Variants in FARP1 observed in about 807,000 individuals in gnomAD.
FARP1 encodes FERM, ARHGEF and pleckstrin domain-containing protein 1.
A neutral mutation model predicts 128.8 loss-of-function variants in FARP1; 52 were observed. That is an observed-to-expected ratio of 0.40 (90% CI 0.32 to 0.51). The LOEUF (loss-of-function observed/expected upper bound fraction) is 0.51, where lower values mean the gene tolerates loss of function less well. FARP1 is among the 20% of genes least tolerant of loss of function. The pLI is 0.45. For missense variants in FARP1, 1,333 were observed against 1,367.9 expected, an observed-to-expected ratio of 0.97 and a Z score of 0.40; for synonymous variants, 580 against 551.8, an observed-to-expected ratio of 1.05 and a Z score of -0.72.
chr13:98,431,236 G>A lies in FARP1; in HGVS notation c.2099G>A (p.Cys700Tyr). ...MHYKQVLERL[C>Y]KHHPPSHADF... ...TACAAGCAGGTCCTGGAGCGGCTGT[G>A]CAAACACCACCCGCCGAGCCACGCC... The change falls in exon 18 of 27, where the codon TGC becomes TAC. Residue 700 changes from cysteine to tyrosine, a missense_variant. Cys to Tyr is a radical substitution (Grantham distance 194). Transcript: ENST00000319562. 1 of 1,580,152 alleles carries A rather than the reference G, an allele frequency of 6.3e-7. No individual in the cohort carries two copies. The highest frequency in any genetic ancestry group is 1.8e-5 in the Admixed American group (1 of 55,088).
intron 2 of FARP1, among the ~76,000 whole-genome samples, chr13:98,235,399 A>G (rs1211434539): frequency 6.6e-6 from 1 of 152,234 alleles, no homozygotes; most frequent in African/African-American, 2.4e-5. Context: ...GTCTGATATC[A>G]TGCCTAGAAT....
chr13:98,440,347 T>G, intron 23 of FARP1, 112 bp downstream of exon 23: 1 of 799,492 alleles, frequency 1.3e-6, no homozygotes, highest in Non-Finnish European at 2.1e-6. Flanking sequence ...GGTGTACATT[T>G]GTGTTTAAAG....
Position 98,176,058 on chromosome 13 carries a change from C to T in FARP1, c.-24+32566C>T. ...CCTCTTTGAGATCCGGATTTCAATTCTTTTGGTTACATACTCAGGCATGGG... is the reference window on the plus strand; with the variant it reads ...CCTCTTTGAGATCCGGATTTCAATTTTTTTGGTTACATACTCAGGCATGGG... On this transcript the variant is annotated intron_variant, in intron 1 of 26. Coordinates refer to ENST00000319562, the MANE Select transcript of FARP1 (RefSeq NM_005766.4). This position sits in a 1 kb window ranked among gnomAD's most constrained non-coding sequence, Gnocchi z 6.2. 9.8e-7 allele frequency: 1 copy of T among 1,022,494 alleles called. No individual in the cohort carries two copies. The highest frequency in any genetic ancestry group is 1.6e-5 in the African/African-American group (1 of 62,200). 63.3% of individuals were successfully genotyped at this position (1,022,494 alleles called of 1,614,324 possible).
chr13:98,203,033 A>T (rs1464195471), intron 1 of FARP1, among the ~76,000 whole-genome samples: 1 of 152,108 alleles, frequency 6.6e-6, no homozygotes, highest in Non-Finnish European at 1.5e-5. Context: ...ATTACTTCTT[A>T]ATTAAACATA....
chr13:98,335,175 A>C (rs1887689353), intron 2 of FARP1, among the ~76,000 whole-genome samples: 1 of 152,092 alleles, frequency 6.6e-6, no homozygotes, highest in Admixed American at 6.6e-5. Flanking sequence ...CATGTACTCC[A>C]ATTTAGCTGG....
At chr13:98,194,632 T>C (rs1399257683) in intron 1 of FARP1, among the ~76,000 whole-genome samples, 2 of 152,228 alleles carry the variant, frequency 1.3e-5, no homozygotes, top group African/African-American at 2.4e-5. Context: ...AATTTTATTT[T>C]TGTGGACAGA....
intron 16 of FARP1, among the ~76,000 whole-genome samples, chr13:98,419,182 C>G (rs1189051508): frequency 4.6e-5 from 7 of 152,096 alleles, no homozygotes; most frequent in African/African-American, 2.4e-5. Flanking sequence ...ATGTCATACA[C>G]AATATGTTAG....
chr13:98,259,242 A>G (rs1469869977), intron 2 of FARP1, among the ~76,000 whole-genome samples: 4 of 152,120 alleles, frequency 2.6e-5, no homozygotes, highest in Non-Finnish European at 4.4e-5. Flanking sequence ...ATATTTTTAT[A>G]TTCTCTCTCT....
intron 25 of FARP1, chr13:98,446,422 G>A (rs1892838812): frequency 3.3e-6 from 2 of 602,014 alleles, no homozygotes; most frequent in African/African-American, 3.7e-5. Flanking sequence ...CCCTAGGAAG[G>A]GCCACCTGTC....
chr13:98,446,863 C>T (rs764965215), intron 26 of FARP1, 46 bp downstream of exon 26: 4 of 1,597,806 alleles, frequency 2.5e-6, no homozygotes, highest in South Asian at 2.2e-5. Context: ...AAGAGGACCC[C>T]CTCTTCCAAA....
At chr13:98,249,824 G>A (rs1195800933) in intron 2 of FARP1, among the ~76,000 whole-genome samples, 2 of 152,114 alleles carry the variant, frequency 1.3e-5, no homozygotes, top group Admixed American at 6.5e-5. Flanking sequence ...TGGTGGTATT[G>A]ACAACATGAA....
chr13:98,200,750 G>A (rs1466231523), intron 1 of FARP1, among the ~76,000 whole-genome samples: 1 of 152,198 alleles, frequency 6.6e-6, no homozygotes, highest in East Asian at 1.9e-4. Flanking sequence ...GAAGCTAAAT[G>A]TAAACAACAC....
chr13:98,414,630 C>T (rs544039483), intron 16 of FARP1, among the ~76,000 whole-genome samples: 21 of 152,274 alleles, frequency 1.4e-4, no homozygotes, highest in South Asian at 2.1e-4. Flanking sequence ...GGGGTAGAAC[C>T]AATGCATTCG....
intron 2 of FARP1, among the ~76,000 whole-genome samples, chr13:98,313,559 T>C (rs1159034278): frequency 1.3e-5 from 2 of 152,210 alleles, no homozygotes; most frequent in East Asian, 3.8e-4. Context: ...TAAACTTCTG[T>C]TCCTTTAAGC....
At chr13:98,173,823 G>A (rs1877809691) in intron 1 of FARP1, among the ~76,000 whole-genome samples, 1 of 152,192 alleles carries the variant, frequency 6.6e-6, no homozygotes, top group African/African-American at 2.4e-5. Context: ...AACTTTGAAA[G>A]CCAGCTGGCC....
chr13:98,343,413 G>C (rs935641096), intron 2 of FARP1, among the ~76,000 whole-genome samples: 7 of 152,112 alleles, frequency 4.6e-5, no homozygotes, highest in Non-Finnish European at 8.8e-5. Flanking sequence ...CTACCACCAA[G>C]GTTAATAACG....
intron 1 of FARP1, among the ~76,000 whole-genome samples, chr13:98,153,078 G>T (rs1467897129): frequency 6.6e-6 from 1 of 151,502 alleles, no homozygotes; most frequent in Non-Finnish European, 1.5e-5. Context: ...ATTAATCAGG[G>T]GTTTGTGATC....
intron 2 of FARP1, among the ~76,000 whole-genome samples, chr13:98,238,428 A>C (rs573288699): frequency 7.9e-5 from 12 of 152,328 alleles, no homozygotes; most frequent in Admixed American, 7.8e-4. Context: ...TTATGTGTTA[A>C]TCGACTGTAT....
chr13:98,438,973 A>G, intron 20 of FARP1, 101 bp downstream of exon 20: 2 of 1,435,388 alleles, frequency 1.4e-6, no homozygotes, highest in South Asian at 1.2e-5. Flanking sequence ...GACCTGGGGT[A>G]GAGGAAGAGC....
Sources: allele counts gnomAD v4.1 joint callset (sites outside exome capture counted in the v4.1 genomes callset), GRCh38; gene constraint gnomAD v4.1.1; non-coding constraint Gnocchi (gnomAD v3.1); transcripts MANE v1.5; gene names NCBI Gene and HGNC (gene_info 2026-07-23, HGNC 2026-07-21).